ACOXL: variants seen among roughly 807,000 people sequenced by gnomAD.
ACOXL encodes the protein acyl-CoA oxidase like.
ACOXL carries 70 observed loss-of-function variants against 71.9 expected under a neutral mutation model. The ratio of observed to expected loss-of-function variants is 0.97; its 90% CI spans 0.80 to 1.19. The LOEUF is 1.19. Among genes scored for constraint, ACOXL ranks in the 50% most tolerant of loss-of-function variants. ACOXL has a pLI of 0.00. For synonymous variants in ACOXL, 253 were observed against 281.6 expected (o/e 0.90, Z 1.02); for missense variants, 703 against 736.3 (o/e 0.95, Z 0.52).
At chr2:111,098,037 T>C (rs2068906096) in intron 17 of ACOXL, among the ~76,000 whole-genome samples, 1 of 152,224 alleles carries the variant, frequency 6.6e-6, no homozygotes, top group Non-Finnish European at 1.5e-5. Context: ...GTGATTAAGG[T>C]ACATATCAAA....
chr2:110,742,204 G>A (rs2104711553), intron 1 of ACOXL, among the ~76,000 whole-genome samples: 1 of 152,264 alleles, frequency 6.6e-6, no homozygotes, highest in Middle Eastern at 3.4e-3. Flanking sequence ...TTTTTGATAT[G>A]GGTAATTTTG....
chr2:111,105,891 T>C (rs1299176024), intron 17 of ACOXL, among the ~76,000 whole-genome samples: 1 of 152,214 alleles, frequency 6.6e-6, no homozygotes, highest in Non-Finnish European at 1.5e-5. Flanking sequence ...CTGCTGCCAA[T>C]TGTTTTTTTC....
intron 10 of ACOXL, among the ~76,000 whole-genome samples, chr2:110,862,047 T>C (rs1573883365): frequency 1.3e-5 from 2 of 152,338 alleles, no homozygotes; most frequent in African/African-American, 2.4e-5. Context: ...CTGGAGGCAC[T>C]TCTGTGGTTG....
intron 15 of ACOXL, among the ~76,000 whole-genome samples, 199 bp from the exon 16 acceptor site, chr2:111,049,019 C>T (rs2066154508): frequency 6.6e-6 from 1 of 152,108 alleles, no homozygotes. Flanking sequence ...TGTAATGACT[C>T]TGTCTGATGG....
chr2:110,733,756 G>A (rs1273612274), intron 1 of ACOXL, among the ~76,000 whole-genome samples: 3 of 152,084 alleles, frequency 2.0e-5, no homozygotes, highest in Non-Finnish European at 4.4e-5. Flanking sequence ...AGAAGTGTGG[G>A]ATGGTGGGTA....
At chr2:110,864,071 G>A (rs1269086589) in intron 10 of ACOXL, among the ~76,000 whole-genome samples, 1 of 151,852 alleles carries the variant, frequency 6.6e-6, no homozygotes, top group African/African-American at 2.4e-5. Flanking sequence ...GCTTAGAAGA[G>A]CCCCTGAGTA....
In ACOXL at chr2:110,819,005, G is replaced by A. The variant is rs546327026; in HGVS notation, c.753+13610G>A. Among the ~76,000 whole-genome samples the A allele has an allele frequency of 2.7e-5, 4 of 146,054 alleles. 1 individual carries two copies. Among genetic ancestry groups the A allele is most frequent in the Middle Eastern group, 3.5e-3 (1 of 286 alleles). On this transcript the variant is annotated intron_variant, in intron 9 of 17. Coordinates refer to ENST00000439055, the MANE Select transcript of ACOXL (RefSeq NM_001142807.4). ...CTATTCAGCACCTAAGGTACTGTCC[G>A]TTTCTGGGCTTCATTTTAAAAGAGA...
chr2:111,086,067 T>C (rs1220494513), intron 16 of ACOXL, among the ~76,000 whole-genome samples: 3 of 152,268 alleles, frequency 2.0e-5, no homozygotes, highest in East Asian at 1.9e-4. Context: ...ATTGAATCAG[T>C]AATAAATAGC....
chr2:110,899,913 C>T lies in ACOXL; in HGVS notation c.789-8876C>T, dbSNP rs551758628. 7.8e-4 allele frequency among the ~76,000 whole-genome samples: 119 copies of T among 152,176 alleles called. 1 individual carries two copies. Among genetic ancestry groups the T allele is most frequent in the African/African-American group, 2.6e-3 (106 of 41,512 alleles). The stretch of plus-strand genomic sequence containing the variant: ...GCTGATTGACTCTGGAAAGAACTCG[C>T]GGCTTCTATGGCAACGCATTGTGCT... On this transcript the variant is annotated intron_variant, in intron 10 of 17. Transcript: ENST00000439055.
At chr2:111,018,382 T>C (rs1482960422) in intron 14 of ACOXL, among the ~76,000 whole-genome samples, 1 of 152,148 alleles carries the variant, frequency 6.6e-6, no homozygotes, top group African/African-American at 2.4e-5. Flanking sequence ...GGACTGACCT[T>C]TGAGGCAAGG....
chr2:110,951,186 A>G (rs901131946), intron 12 of ACOXL, among the ~76,000 whole-genome samples: 8 of 152,326 alleles, frequency 5.3e-5, no homozygotes, highest in African/African-American at 1.9e-4. Context: ...GTTCCCAAAA[A>G]ATAGCAGCTG....
chr2:111,083,727 C>T (rs1038509417), intron 16 of ACOXL, among the ~76,000 whole-genome samples: 1 of 152,066 alleles, frequency 6.6e-6, no homozygotes, highest in South Asian at 2.1e-4. Flanking sequence ...CAAGATACTA[C>T]AAGAGCTCAA....
chr2:110,968,671 T>C, intron 12 of ACOXL: 1 of 1,152,462 alleles, frequency 8.7e-7, no homozygotes, highest in Non-Finnish European at 1.2e-6. Context: ...ATCAGATAGC[T>C]CAAAAGAAGG....
intron 12 of ACOXL, among the ~76,000 whole-genome samples, chr2:110,935,792 T>C (rs2060639763): frequency 7.0e-6 from 1 of 143,742 alleles, no homozygotes; most frequent in Admixed American, 7.1e-5. Flanking sequence ...AACAGTGGCC[T>C]CCAACCTGTT....
At chr2:110,859,576 A>G (rs907287554) in intron 10 of ACOXL, among the ~76,000 whole-genome samples, 4 of 152,314 alleles carry the variant, frequency 2.6e-5, no homozygotes, top group African/African-American at 9.6e-5. Flanking sequence ...AGAAGGGCGG[A>G]GGAAATGCAG....
chr2:110,869,726 C>A (rs778497738), intron 10 of ACOXL, among the ~76,000 whole-genome samples: 1 of 152,234 alleles, frequency 6.6e-6, no homozygotes, highest in Non-Finnish European at 1.5e-5. Flanking sequence ...CTCCAGAGCC[C>A]ACACCCTGAG....
intron 1 of ACOXL, among the ~76,000 whole-genome samples, chr2:110,752,042 A>T (rs1397900919): frequency 1.4e-5 from 2 of 143,498 alleles, no homozygotes; most frequent in African/African-American, 5.2e-5. Context: ...TTTTTTTTCC[A>T]GATGGAGTCT....
At chr2:110,961,105 C>G (rs1213938683) in intron 12 of ACOXL, among the ~76,000 whole-genome samples, 1 of 152,196 alleles carries the variant, frequency 6.6e-6, no homozygotes, top group Non-Finnish European at 1.5e-5. Context: ...AACATGACAA[C>G]CACGAGCCTG....
intron 9 of ACOXL, among the ~76,000 whole-genome samples, chr2:110,807,369 G>GGTT (rs921887581): frequency 2.0e-5 from 3 of 152,182 alleles, no homozygotes; most frequent in South Asian, 4.1e-4. Context: ...TTTGTGTGAT[G>GGTT]GTTGTTGTTG....
Sources: allele counts gnomAD v4.1 joint callset (sites outside exome capture counted in the v4.1 genomes callset), GRCh38; gene constraint gnomAD v4.1.1; transcripts MANE v1.5; gene names NCBI Gene and HGNC (gene_info 2026-07-23, HGNC 2026-07-21).